The following IQCJ variants were observed in gnomAD, a reference collection of about 807,000 sequenced individuals.
IQCJ encodes the protein IQ motif containing J, also known as IQ domain-containing protein J.
IQCJ carries 9 observed loss-of-function variants against 11.0 expected under a neutral mutation model. The ratio of observed to expected loss-of-function variants is 0.82; its 90% CI spans 0.49 to 1.43. The LOEUF is 1.43. Ranked by LOEUF, IQCJ falls within the 40% of genes most tolerant of loss-of-function variation. The pLI, the probability that IQCJ is intolerant of heterozygous loss-of-function variation, is 0.00. For missense variants in IQCJ, 146 were observed against 133.2 expected, an observed-to-expected ratio of 1.10 and a Z score of -0.47; for synonymous variants, 55 against 51.3, an observed-to-expected ratio of 1.07 and a Z score of -0.31.
At chr3:159,189,704 T>C (rs1723574299) in intron 1 of IQCJ, among the ~76,000 whole-genome samples, 1 of 152,194 alleles carries the variant, frequency 6.6e-6, no homozygotes, top group African/African-American at 2.4e-5. Flanking sequence ...TAATCCTCTT[T>C]CAAGAAGACT....
chr3:159,251,573 G>A (rs1727602167), intron 2 of IQCJ, among the ~76,000 whole-genome samples: 4 of 151,806 alleles, frequency 2.6e-5, no homozygotes, highest in African/African-American at 9.7e-5. Flanking sequence ...AAAAATCAAA[G>A]TATATCACAT....
At chr3:159,207,953 G>A (rs1395768626) in intron 1 of IQCJ, among the ~76,000 whole-genome samples, 4 of 152,160 alleles carry the variant, frequency 2.6e-5, no homozygotes, top group Non-Finnish European at 4.4e-5. Context: ...ATACACAATA[G>A]TTTGGAGGCA....
chr3:159,161,521 G>T (rs1721853375), intron 1 of IQCJ, among the ~76,000 whole-genome samples: 1 of 152,164 alleles, frequency 6.6e-6, no homozygotes, highest in Admixed American at 6.5e-5. Context: ...CTGTGCAGAA[G>T]CTCTTTAGTT....
intron 1 of IQCJ, among the ~76,000 whole-genome samples, chr3:159,085,482 G>T (rs1716681573): frequency 6.6e-6 from 1 of 151,506 alleles, no homozygotes; most frequent in East Asian, 1.9e-4. Context: ...AGATCCCTGA[G>T]GAATCGCCAC....
At chr3:159,161,672 T>C (rs1007351029) in intron 1 of IQCJ, among the ~76,000 whole-genome samples, 13 of 152,310 alleles carry the variant, frequency 8.5e-5, no homozygotes, top group African/African-American at 3.1e-4. Flanking sequence ...AGGTCTAACG[T>C]TTAAGTTTTT....
At chr3:159,201,627 CTTTTTTTT>C (rs71144478) in intron 1 of IQCJ, among the ~76,000 whole-genome samples, 1 of 70,314 alleles carries the variant, frequency 1.4e-5, no homozygotes, top group Non-Finnish European at 2.6e-5. Context: ...GATAATGATT[CTTTTTTTT>C]TTTTTTTTTT....
chr3:159,181,942 C>CTCT (rs1257135313), intron 1 of IQCJ, among the ~76,000 whole-genome samples: 4,578 of 151,836 alleles, frequency 0.03, 298 homozygotes, highest in African/African-American at 0.11. Context: ...CTCTTAAATT[C>CTCT]CTTTAAAGTG....
intron 1 of IQCJ, among the ~76,000 whole-genome samples, chr3:159,227,623 A>C (rs2108137634): frequency 6.6e-6 from 1 of 152,318 alleles, no homozygotes; most frequent in East Asian, 1.9e-4. Flanking sequence ...GACTCTCAAC[A>C]AATATTAGCT....
intron 1 of IQCJ, among the ~76,000 whole-genome samples, chr3:159,232,620 C>A (rs545903142): frequency 3.9e-5 from 6 of 151,954 alleles, no homozygotes; most frequent in African/African-American, 9.7e-5. Flanking sequence ...TTTGCATTTG[C>A]TGAGGAGGGT....
At chr3:159,259,745 T>C (rs966039752) in intron 3 of IQCJ, among the ~76,000 whole-genome samples, 1 of 152,218 alleles carries the variant, frequency 6.6e-6, no homozygotes, top group Non-Finnish European at 1.5e-5. Flanking sequence ...TGTAGCAATT[T>C]TGGGTAATAG....
chr3:159,156,586 G>A (rs1374505367), intron 1 of IQCJ, among the ~76,000 whole-genome samples: 1 of 152,224 alleles, frequency 6.6e-6, no homozygotes, highest in Non-Finnish European at 1.5e-5. Context: ...TTGAATGCGA[G>A]CCTAAGCAGA....
chr3:159,089,639 A>T (rs1340114467), intron 1 of IQCJ, among the ~76,000 whole-genome samples: 7 of 151,494 alleles, frequency 4.6e-5, no homozygotes, highest in Non-Finnish European at 8.8e-5. Context: ...TTTTTTCTCT[A>T]AACTTCCCTT....
In IQCJ at chr3:159,085,884, G is replaced by A. The variant is rs1422176115; in HGVS notation, c.9+16443G>A. Among the ~76,000 whole-genome samples the A allele has an allele frequency of 6.6e-5, 10 of 150,596 alleles. No individual in the cohort carries two copies. The East Asian group carries it at 1.9e-3, about 29-fold the overall frequency. ...TTATAGGTTGCCTGTTCACTCTGAT[G>A]GTAGTTTCTTTTGCTGTGCAGAAGC... is the stretch of plus-strand genomic sequence containing the variant. On this transcript the variant is annotated intron_variant, in intron 1 of 3. Transcript: ENST00000397832.
At chr3:159,102,861 C>G (rs1187353451) in intron 1 of IQCJ, among the ~76,000 whole-genome samples, 1 of 152,208 alleles carries the variant, frequency 6.6e-6, no homozygotes, top group Non-Finnish European at 1.5e-5. Flanking sequence ...GGATCTCCAA[C>G]TTCCCCACTC....
At chr3:159,107,198 A>G (rs763087465) in intron 1 of IQCJ, among the ~76,000 whole-genome samples, 9 of 152,130 alleles carry the variant, frequency 5.9e-5, no homozygotes, top group Non-Finnish European at 1.2e-4. Flanking sequence ...AGGCTGTAGT[A>G]TTAGGAGGTA....
At chr3:159,139,285 T>C (rs941613131) in intron 1 of IQCJ, among the ~76,000 whole-genome samples, 3 of 152,106 alleles carry the variant, frequency 2.0e-5, no homozygotes, top group African/African-American at 7.2e-5. Context: ...AAGAAATGAA[T>C]TGGTTATTTC....
In IQCJ at chr3:159,217,558, C is replaced by T. The variant is rs188822298; in HGVS notation, c.10-28285C>T. Among the ~76,000 whole-genome samples the T allele has an allele frequency of 5.3e-5, 8 of 152,230 alleles. No homozygotes were observed. In the South Asian group the frequency reaches 8.3e-4, roughly 16 times the overall value. ...GTATTGTACTCAAAACAAAATACAA[C>T]CTGCACAGCTCTAATAAATCAAGGT... is the stretch of plus-strand genomic sequence containing the variant. On this transcript the variant is annotated intron_variant, in intron 1 of 3. Transcript: ENST00000397832.
Position 159,095,331 on chromosome 3 carries a change from C to G in IQCJ, c.9+25890C>G, listed in dbSNP as rs554323853. 5.9e-5 allele frequency among the ~76,000 whole-genome samples: 9 copies of G among 151,524 alleles called. No individual in the cohort carries two copies. In the South Asian group the frequency reaches 8.3e-4, roughly 14 times the overall value. Reference sequence around the variant, plus strand: ...GCTGCTTATTTTTGGAATATAGAGACGACAGATCAAGAGGAAAATTTATTT... The same window carrying G: ...GCTGCTTATTTTTGGAATATAGAGAGGACAGATCAAGAGGAAAATTTATTT... On this transcript the variant is annotated intron_variant, in intron 1 of 3. Transcript: ENST00000397832.
intron 1 of IQCJ, among the ~76,000 whole-genome samples, chr3:159,088,367 G>A (rs1559979795): frequency 1.3e-5 from 2 of 152,024 alleles, no homozygotes; most frequent in African/African-American, 2.4e-5. Flanking sequence ...AATATGTGTG[G>A]TGTGGTGCTG....
Sources: gnomAD v4.1 joint callset for allele counts (sites outside exome capture counted in the v4.1 genomes callset) on GRCh38, gnomAD v4.1.1 for gene constraint, MANE v1.5 for transcripts, NCBI Gene and HGNC (gene_info 2026-07-23, HGNC 2026-07-21) for gene names.